OBI1: variants seen among roughly 807,000 people sequenced by gnomAD.
OBI1 encodes ORC ubiquitin ligase 1.
In OBI1, 59 loss-of-function variants were observed where a neutral mutation model predicts 62.4. The ratio of observed to expected loss-of-function variants is 0.95; its 90% CI spans 0.77 to 1.17. OBI1 has a LOEUF of 1.17. OBI1 is among the 50% of genes most tolerant of loss of function. The pLI is 0.00. For synonymous variants in OBI1, 302 were observed against 292.8 expected, an observed-to-expected ratio of 1.03 and a Z score of -0.32; for missense variants, 875 against 830.9, an observed-to-expected ratio of 1.05 and a Z score of -0.65.
chr13:78,650,891 T>A (rs994598321), intron 1 of OBI1, among the ~76,000 whole-genome samples: 1 of 152,148 alleles, frequency 6.6e-6, no homozygotes, highest in African/African-American at 2.4e-5. Context: ...GTTAATGAGA[T>A]CACTACTTCT....
intron 3 of OBI1, 114 bp from the exon 4 acceptor site, chr13:78,639,185 T>A: frequency 2.8e-6 from 3 of 1,055,042 alleles, no homozygotes; most frequent in Non-Finnish European, 4.0e-6. Context: ...TGTAGATACA[T>A]AGATTCTTTA....
chr13:78,632,202 G>A (rs1156310965), intron 5 of OBI1, among the ~76,000 whole-genome samples: 1 of 152,044 alleles, frequency 6.6e-6, no homozygotes, highest in Non-Finnish European at 1.5e-5. Flanking sequence ...AAAGAGACCA[G>A]ATTTCTCTCT....
At chr13:78,632,446 C>T (rs1249906453) in intron 5 of OBI1, among the ~76,000 whole-genome samples, 1 of 152,148 alleles carries the variant, frequency 6.6e-6, no homozygotes, top group Non-Finnish European at 1.5e-5. Flanking sequence ...TTAAAGCTCA[C>T]TCTTCTGTAT....
chr13:78,645,044 A>G (rs1876341114), intron 1 of OBI1, 47 bp from the exon 2 acceptor site: 1 of 1,550,506 alleles, frequency 6.4e-7, no homozygotes. Flanking sequence ...GGTCATAATT[A>G]GAAGATCAAA....
chr13:78,625,081 C>T (rs1477287791), intron 5 of OBI1, among the ~76,000 whole-genome samples: 2 of 152,186 alleles, frequency 1.3e-5, no homozygotes, highest in African/African-American at 4.8e-5. Flanking sequence ...TCATTTTCTC[C>T]CCTCTGCTCC....
intron 1 of OBI1, among the ~76,000 whole-genome samples, chr13:78,648,945 T>C (rs929840025): frequency 2.6e-5 from 4 of 151,528 alleles, no homozygotes; most frequent in South Asian, 2.1e-4. Context: ...GTATTTTTCA[T>C]GTATTTGCTC....
Position 78,615,487 on chromosome 13 carries a change from A to C in OBI1, c.*93T>G. 1.1e-6 allele frequency: 1 copy of C among 907,356 alleles called. No individual in the cohort carries two copies. Among genetic ancestry groups the C allele is most frequent in the Non-Finnish European group, 1.7e-6 (1 of 593,530 alleles). The allele number at this position is 907,356 out of a possible 1,614,324, so 56.2% of individuals were successfully genotyped here. On this transcript the variant is annotated 3_prime_UTR_variant, in exon 6 of 6. Transcript: ENST00000282003. The stretch of plus-strand genomic sequence containing the variant: ...ACTTGACTAAAGATTATCAATTCCA[A>C]TTTGTATAGAACTTTTATGAGGAAA...
At chr13:78,637,091 A>G (rs943663162) in intron 4 of OBI1, among the ~76,000 whole-genome samples, 1 of 152,232 alleles carries the variant, frequency 6.6e-6, no homozygotes, top group Non-Finnish European at 1.5e-5. Flanking sequence ...TGCATTCTCA[A>G]CACTGATTGG....
At chr13:78,630,676 C>T (rs1875818611) in intron 5 of OBI1, among the ~76,000 whole-genome samples, 1 of 152,044 alleles carries the variant, frequency 6.6e-6, no homozygotes, top group African/African-American at 2.4e-5. Flanking sequence ...TTCTGCCATT[C>T]GAGGATACAG....
chr13:78,659,068 C>G lies in OBI1; in HGVS notation c.53G>C (p.Cys18Ser). The G allele has an allele frequency of 6.2e-7, 1 of 1,613,046 alleles. No individual in the cohort carries two copies. The highest frequency in any genetic ancestry group is 2.2e-5 in the East Asian group (1 of 44,612). Residue 18 changes from cysteine (C) to serine (S), a missense_variant, in exon 1 of 6, where the codon TGC (cysteine) becomes TCC (serine). Cys to Ser is a moderately radical substitution (Grantham distance 112, BLOSUM62 -1). Coordinates refer to ENST00000282003, the MANE Select transcript of OBI1 (RefSeq NM_024546.4). ...CATTACCTTCCCCAAGCAAATGTGG[C>G]ACGTGATGGGCAGAGTGAGCGACAA... ...VTLSLTLPIT[C>S]HICLGKVRQP...
At position 78,626,907 on chromosome 13, in the gene OBI1, A is replaced by G. The variant is rs148622719; in HGVS notation, c.638+8203T>C. Among the ~76,000 whole-genome samples, 578 of 152,280 alleles carry G rather than the reference A, an allele frequency of 3.8e-3. 4 individuals are homozygous for G. Among genetic ancestry groups the G allele is most frequent in the African/African-American group, 0.012 (519 of 41,550 alleles). On this transcript the variant is annotated intron_variant, in intron 5 of 5. Coordinates refer to ENST00000282003, the MANE Select transcript of OBI1 (RefSeq NM_024546.4). ...CAGTGAAACCCCATCTCTACTAAAA[A>G]TACAAAAAATTAGCCGGGCATGGTG... is the stretch of plus-strand genomic sequence containing the variant.
At chr13:78,655,962 A>G (rs932210129) in intron 1 of OBI1, among the ~76,000 whole-genome samples, 1 of 152,214 alleles carries the variant, frequency 6.6e-6, no homozygotes, top group East Asian at 1.9e-4. Flanking sequence ...GAAAAGAGAC[A>G]TGGAACCAGC....
intron 1 of OBI1, among the ~76,000 whole-genome samples, chr13:78,649,789 T>C (rs1876494375): frequency 6.6e-6 from 1 of 152,094 alleles, no homozygotes; most frequent in African/African-American, 2.4e-5. Flanking sequence ...TTGTCTTCTT[T>C]TGCAACAGAA....
At chr13:78,641,986 C>A in intron 3 of OBI1, 136 bp downstream of exon 3, 1 of 425,352 alleles carries the variant, frequency 2.4e-6, no homozygotes, top group African/African-American at 2.0e-5. Flanking sequence ...AAGAATTTAT[C>A]AAACAATTTC....
intron 1 of OBI1, among the ~76,000 whole-genome samples, chr13:78,655,196 A>G (rs1041888102): frequency 2.6e-5 from 4 of 152,198 alleles, no homozygotes; most frequent in African/African-American, 4.8e-5. Context: ...TTGAGTCCCA[A>G]TTGAAAAGAT....
chr13:78,652,375 T>C (rs1876567460), intron 1 of OBI1, among the ~76,000 whole-genome samples: 1 of 150,808 alleles, frequency 6.6e-6, no homozygotes, highest in South Asian at 2.1e-4. Flanking sequence ...ACACATAATT[T>C]TCTTTAATAA....
chr13:78,623,270 T>TAAAAAAAA (rs34129925), intron 5 of OBI1, among the ~76,000 whole-genome samples: 1 of 136,196 alleles, frequency 7.3e-6, no homozygotes, highest in Non-Finnish European at 1.6e-5. Flanking sequence ...AGAGAACATT[T>TAAAAAAAA]AAAAAAAAAA....
chr13:78,615,782 T>C lies in OBI1; in HGVS notation c.1979A>G (p.His660Arg), dbSNP rs373484257. 1.3e-5 allele frequency: 21 copies of C among 1,613,840 alleles called. No individual in the cohort carries two copies. In the African/African-American group the frequency reaches 1.9e-4, roughly 14 times the overall value. Residue 660 changes from histidine (H) to arginine (R), a missense_variant, in exon 6 of 6, where the codon CAT becomes CGT. Coordinates refer to ENST00000282003, the MANE Select transcript of OBI1 (RefSeq NM_024546.4). ...FSQGILLSSS[H>R]RLFEDQRFGS... ...AAATCTTTGATCTTCAAATAGTCGA[T>C]GTGAACTGCTTAACAAAATGCCCTG...
chr13:78,639,155 G>T (rs1261223247), intron 3 of OBI1, 84 bp from the exon 4 acceptor site: 52 of 1,390,932 alleles, frequency 3.7e-5, no homozygotes, highest in Middle Eastern at 1.9e-4. Context: ...AACATGGTTT[G>T]AATTTTGTAC....
Sources: allele counts gnomAD v4.1 joint callset (sites outside exome capture counted in the v4.1 genomes callset), GRCh38; gene constraint gnomAD v4.1.1; transcripts MANE v1.5; gene names NCBI Gene and HGNC (gene_info 2026-07-23, HGNC 2026-07-21).